The following TIA1 variants were observed in gnomAD, a reference collection of about 807,000 sequenced individuals.
The protein encoded by TIA1 is TIA1 cytotoxic granule associated RNA binding protein.
TIA1 carries 23 observed loss-of-function variants against 65.9 expected under a neutral mutation model. That is an observed-to-expected ratio of 0.35 (90% CI 0.25 to 0.49). The LOEUF is 0.49. Among genes scored for constraint, TIA1 ranks in the 20% least tolerant of loss-of-function variants. The pLI is 0.98. For synonymous variants in TIA1, 147 were observed against 149.4 expected (o/e 0.98, Z 0.12); for missense variants, 371 against 477.9 (o/e 0.78, Z 2.09).
At position 70,248,607 on chromosome 2, in the gene TIA1, A is replaced by T. The variant is rs1303867174; in HGVS notation, c.-177T>A. The T allele has an allele frequency of 1.2e-6, 1 of 866,656 alleles. No homozygotes were observed. The highest frequency in any genetic ancestry group is 1.7e-5 in the African/African-American group (1 of 59,514). 53.7% of individuals were successfully genotyped at this position (866,656 alleles called of 1,614,324 possible). A position where few individuals can be genotyped will look rare whatever the true frequency, so the allele number is the denominator to read the frequency against. ...CCGCCCGGCCCAGCGGGAACAATGAAACCCCAATACAAGATGGCGGCGAGC... is the reference window on the plus strand; with the variant it reads ...CCGCCCGGCCCAGCGGGAACAATGATACCCCAATACAAGATGGCGGCGAGC... On this transcript the variant is annotated 5_prime_UTR_variant, in exon 1 of 13. Coordinates refer to ENST00000433529, the MANE Select transcript of TIA1 (RefSeq NM_022173.4).
rs1273992372 is a variant in TIA1 at position 70,210,562 on chromosome 2, G to C, written c.*2157C>G. ...ATTTGTGCAATAAGCCAATATGCTG[G>C]ATAATAAAAACTGTTATTACTGGAG... On this transcript the variant is annotated 3_prime_UTR_variant, in exon 13 of 13. Transcript: ENST00000433529. The C allele has an allele frequency of 6.6e-6, 1 of 152,046 alleles. No homozygotes were observed. Among genetic ancestry groups the C allele is most frequent in the Admixed American group, 6.6e-5 (1 of 15,252 alleles). The allele number at this position is 152,046 out of a possible 1,614,324, so 9.4% of individuals were successfully genotyped here.
At chr2:70,242,517 A>AT (rs1692336064) in intron 1 of TIA1, among the ~76,000 whole-genome samples, 1 of 151,190 alleles carries the variant, frequency 6.6e-6, no homozygotes. Flanking sequence ...AAAAAAAAAA[A>AT]AAAAGGCAGA....
At chr2:70,243,005 A>G (rs1207058522) in intron 1 of TIA1, among the ~76,000 whole-genome samples, 4 of 152,208 alleles carry the variant, frequency 2.6e-5, no homozygotes, top group Non-Finnish European at 2.9e-5. Context: ...TGCTCTATAA[A>G]TATCTGTTAA....
At chr2:70,213,111 T>C (rs1322397538) in intron 12 of TIA1, among the ~76,000 whole-genome samples, 1 of 152,126 alleles carries the variant, frequency 6.6e-6, no homozygotes, top group Non-Finnish European at 1.5e-5. Flanking sequence ...TTATCAACAT[T>C]CATCTCCTTT....
intron 5 of TIA1, chr2:70,228,492 C>A: frequency 8.0e-7 from 1 of 1,254,824 alleles, no homozygotes; most frequent in South Asian, 1.3e-5. Flanking sequence ...AACAGTAATC[C>A]CTTCACTTTA....
rs1215951356 is a variant in TIA1 at position 70,214,335 on chromosome 2, T to C, written c.1034+14A>G. The C allele has an allele frequency of 1.2e-6, 2 of 1,601,674 alleles. No homozygotes were observed. The highest frequency in any genetic ancestry group is 8.5e-7 in the Non-Finnish European group (1 of 1,176,358). ...TTTCAAAGGTTAGTAAAGGAAGACA[T>C]AAGATATGCTTACTTAAATCCTTGC... is the stretch of plus-strand genomic sequence containing the variant. On this transcript the variant is annotated intron_variant, in intron 12 of 12. Coordinates refer to ENST00000433529, the MANE Select transcript of TIA1 (RefSeq NM_022173.4).
intron 6 of TIA1, among the ~76,000 whole-genome samples, chr2:70,226,551 T>C (rs1168045106): frequency 6.6e-6 from 1 of 152,158 alleles, no homozygotes; most frequent in Non-Finnish European, 1.5e-5. Flanking sequence ...TATCCTTTTA[T>C]GGTTCTATGA....
At chr2:70,216,077 G>T (rs1303947014) in intron 10 of TIA1, 131 bp downstream of exon 10, 2 of 905,026 alleles carry the variant, frequency 2.2e-6, no homozygotes, top group East Asian at 2.8e-5. Flanking sequence ...TTATAACCAA[G>T]GTAAATTTTT....
intron 1 of TIA1, among the ~76,000 whole-genome samples, chr2:70,246,395 C>A (rs559878987): frequency 6.6e-6 from 1 of 152,254 alleles, no homozygotes; most frequent in Admixed American, 6.5e-5. Flanking sequence ...AAATTAAAAA[C>A]ACTATTAGGA....
intron 5 of TIA1, 144 bp downstream of exon 5, chr2:70,228,915 A>T (rs1219410531): frequency 2.3e-5 from 26 of 1,141,272 alleles, no homozygotes; most frequent in Non-Finnish European, 2.9e-5. Flanking sequence ...AACACTGAGA[A>T]GGGAGAAAAG....
chr2:70,219,739 T>C (rs1370897061), intron 7 of TIA1, among the ~76,000 whole-genome samples: 1 of 41,206 alleles, frequency 2.4e-5, no homozygotes, highest in African/African-American at 4.3e-4. Flanking sequence ...GTCGCCAGGC[T>C]TTTTTTTTTT....
intron 1 of TIA1, among the ~76,000 whole-genome samples, chr2:70,238,144 G>T (rs1314610229): frequency 1.3e-5 from 2 of 149,446 alleles, no homozygotes; most frequent in African/African-American, 4.9e-5. Context: ...TTGGGCAACA[G>T]AGCGAGACTC....
At chr2:70,248,380 T>C (rs761552717) in intron 1 of TIA1, 25 bp downstream of exon 1, 2 of 1,597,440 alleles carry the variant, frequency 1.3e-6, no homozygotes, top group South Asian at 2.2e-5. Context: ...CCATCCCGCC[T>C]CCCTCATCGC....
chr2:70,248,027 G>C (rs535754461), intron 1 of TIA1, among the ~76,000 whole-genome samples: 30 of 151,812 alleles, frequency 2.0e-4, no homozygotes, highest in Admixed American at 6.6e-5. Context: ...ATAAGAAGAG[G>C]TTAATCAAAA....
intron 1 of TIA1, 56 bp downstream of exon 1, chr2:70,248,349 G>A (rs199660972): frequency 4.3e-5 from 68 of 1,579,606 alleles, no homozygotes; most frequent in Non-Finnish European, 5.5e-5. Context: ...CAGGGCCGAG[G>A]CCTTCCCTCC....
At chr2:70,239,670 G>A (rs1359062751) in intron 1 of TIA1, among the ~76,000 whole-genome samples, 2 of 152,142 alleles carry the variant, frequency 1.3e-5, no homozygotes, top group Admixed American at 6.5e-5. Context: ...TGCTTAACAC[G>A]AAGCCTTTGG....
chr2:70,230,358 T>C (rs1053193402), intron 3 of TIA1, among the ~76,000 whole-genome samples: 1 of 151,920 alleles, frequency 6.6e-6, no homozygotes, highest in African/African-American at 2.4e-5. Flanking sequence ...CTATAAAGTG[T>C]TTAATGTTTC....
intron 1 of TIA1, among the ~76,000 whole-genome samples, chr2:70,237,199 T>C (rs1226532175): frequency 6.6e-6 from 1 of 151,976 alleles, no homozygotes; most frequent in Non-Finnish European, 1.5e-5. Flanking sequence ...GGCCAGGAGT[T>C]GAGACCAGCC....
chr2:70,230,339 G>A (rs1364870302), intron 3 of TIA1, among the ~76,000 whole-genome samples: 1 of 151,380 alleles, frequency 6.6e-6, no homozygotes, highest in African/African-American at 2.4e-5. Context: ...GTCAATAACT[G>A]ACCTTTTGCT....
Sources: allele counts gnomAD v4.1 joint callset (sites outside exome capture counted in the v4.1 genomes callset), GRCh38; gene constraint gnomAD v4.1.1; transcripts MANE v1.5; gene names NCBI Gene and HGNC (gene_info 2026-07-23, HGNC 2026-07-21).